RERE: variants seen among roughly 807,000 people sequenced by gnomAD.
RERE encodes the protein arginine-glutamic acid dipeptide repeats protein.
In RERE, 40 loss-of-function variants were observed where a neutral mutation model predicts 146.1. That is an observed-to-expected ratio of 0.27 (90% CI 0.21 to 0.36). The LOEUF (loss-of-function observed/expected upper bound fraction) is 0.36. Ranked by LOEUF, RERE falls within the 10% of genes least tolerant of loss-of-function variation. The pLI, the probability that RERE is intolerant of heterozygous loss-of-function variation, is 1.00. For missense variants in RERE, 1,933 were observed against 2,138.7 expected (o/e 0.90, Z 1.90); for synonymous variants, 1,003 against 866.0 (o/e 1.16, Z -2.78).
At chr1:8,500,336 A>G (rs918740285) in intron 8 of RERE, among the ~76,000 whole-genome samples, 15 of 152,184 alleles carry the variant, frequency 9.9e-5, no homozygotes, top group Admixed American at 7.8e-4. Flanking sequence ...TAGAAATATA[A>G]TTAGACAGTT....
chr1:8,611,708 C>T (rs1646795590), intron 4 of RERE, among the ~76,000 whole-genome samples: 1 of 152,192 alleles, frequency 6.6e-6, no homozygotes, highest in Admixed American at 6.5e-5. Context: ...GTGCAGCCAA[C>T]ATGAGTCCTC....
intron 4 of RERE, among the ~76,000 whole-genome samples, chr1:8,591,772 G>C (rs1646497181): frequency 1.3e-5 from 2 of 152,194 alleles, no homozygotes; most frequent in African/African-American, 4.8e-5. Context: ...CATCACGCAT[G>C]CTTCCTTCGC....
chr1:8,382,442 G>A (rs1369194613), intron 12 of RERE, among the ~76,000 whole-genome samples: 1 of 152,276 alleles, frequency 6.6e-6, no homozygotes, highest in African/African-American at 2.4e-5. Flanking sequence ...AGCCACGTGC[G>A]CATGCGTGCG....
intron 1 of RERE, among the ~76,000 whole-genome samples, chr1:8,713,277 C>T (rs1340654555): frequency 1.3e-5 from 2 of 152,088 alleles, no homozygotes; most frequent in African/African-American, 4.8e-5. Context: ...CTATTGATTA[C>T]CTCTATTTTA....
At chr1:8,549,157 A>G (rs757409941) in intron 6 of RERE, among the ~76,000 whole-genome samples, 5 of 152,172 alleles carry the variant, frequency 3.3e-5, no homozygotes, top group Non-Finnish European at 5.9e-5. Flanking sequence ...CACATGCCTA[A>G]TACCCAGATC....
intron 3 of RERE, among the ~76,000 whole-genome samples, chr1:8,617,239 G>A (rs1464156787): frequency 1.3e-5 from 2 of 150,778 alleles, no homozygotes; most frequent in South Asian, 2.1e-4. Flanking sequence ...AGCTACTTGG[G>A]AGGCTGAGGC....
At chr1:8,525,770 G>T (rs1557672378) in intron 7 of RERE, 1 of 1,600,258 alleles carries the variant, frequency 6.2e-7, no homozygotes. Flanking sequence ...TGCAGGGGCT[G>T]AATGGATCAT....
chr1:8,486,647 C>CG (rs1644902640), intron 10 of RERE, among the ~76,000 whole-genome samples: 1 of 146,474 alleles, frequency 6.8e-6, no homozygotes, highest in Non-Finnish European at 1.5e-5. Context: ...ATAAAACAAA[C>CG]GGGAAAAAAT....
intron 6 of RERE, among the ~76,000 whole-genome samples, chr1:8,549,818 C>A (rs1244221824): frequency 6.6e-6 from 1 of 152,122 alleles, no homozygotes; most frequent in Admixed American, 6.5e-5. Flanking sequence ...GTGGTTCTTG[C>A]CCAAAATGCC....
chr1:8,563,791 A>G (rs986109058), intron 4 of RERE, among the ~76,000 whole-genome samples: 16 of 152,126 alleles, frequency 1.1e-4, no homozygotes, highest in African/African-American at 3.9e-4. Flanking sequence ...AGTGGCTAAC[A>G]TGTGTATACT....
intron 10 of RERE, 106 bp downstream of exon 10, chr1:8,494,957 T>C: frequency 1.2e-6 from 1 of 806,540 alleles, no homozygotes; most frequent in Non-Finnish European, 2.1e-6. Flanking sequence ...AACTCACTCC[T>C]GAGTCTACAG....
chr1:8,758,494 C>A (rs899798504), intron 1 of RERE, among the ~76,000 whole-genome samples: 1 of 151,434 alleles, frequency 6.6e-6, no homozygotes, highest in Non-Finnish European at 1.5e-5. Context: ...TGGGTGCAAG[C>A]AATCCTCCTG....
intron 4 of RERE, among the ~76,000 whole-genome samples, chr1:8,575,590 C>T (rs1488000794): frequency 7.2e-6 from 1 of 139,800 alleles, no homozygotes; most frequent in East Asian, 2.0e-4. Context: ...GAGACAGTGT[C>T]TCACTATGTT....
chr1:8,458,569 G>C (rs375315125), intron 11 of RERE, among the ~76,000 whole-genome samples: 1 of 152,086 alleles, frequency 6.6e-6, no homozygotes, highest in South Asian at 2.1e-4. Context: ...AGACGTGTGC[G>C]CATGCGCGCA....
At chr1:8,366,595 C>T (rs1641811390) in intron 12 of RERE, among the ~76,000 whole-genome samples, 1 of 152,154 alleles carries the variant, frequency 6.6e-6, no homozygotes, top group Non-Finnish European at 1.5e-5. Context: ...TGAAGGCCCA[C>T]ATCTGACATG....
intron 7 of RERE, among the ~76,000 whole-genome samples, chr1:8,540,625 A>C (rs529015466): frequency 6.6e-6 from 1 of 152,312 alleles, no homozygotes; most frequent in African/African-American, 2.4e-5. Flanking sequence ...CAGACATAAA[A>C]ATTGTTAAAT....
At chr1:8,365,778 C>T (rs1261940754) in intron 13 of RERE, 34 bp downstream of exon 13, 1 of 1,610,502 alleles carries the variant, frequency 6.2e-7, no homozygotes, top group Non-Finnish European at 8.5e-7. Context: ...ACAGTCTCCC[C>T]TCCGCCCACT....
At chr1:8,633,552 T>C (rs991767173) in intron 2 of RERE, among the ~76,000 whole-genome samples, 1 of 152,200 alleles carries the variant, frequency 6.6e-6, no homozygotes, top group Non-Finnish European at 1.5e-5. Flanking sequence ...GAGTGATTAC[T>C]CTTTCATGGA....
intron 12 of RERE, among the ~76,000 whole-genome samples, chr1:8,398,949 T>G (rs1426217800): frequency 1.3e-5 from 2 of 152,196 alleles, no homozygotes; most frequent in African/African-American, 2.4e-5. Context: ...TTTGTAAATA[T>G]AACGGGTGTG....
Sources: allele counts gnomAD v4.1 joint callset (sites outside exome capture counted in the v4.1 genomes callset), GRCh38; gene constraint gnomAD v4.1.1; transcripts MANE v1.5; gene names NCBI Gene and HGNC (gene_info 2026-07-23, HGNC 2026-07-21).